The following FMN1 variants were observed in gnomAD, a reference collection of about 807,000 sequenced individuals.
FMN1 encodes the protein formin 1.
A neutral mutation model predicts 132.4 loss-of-function variants in FMN1; 110 were observed. The observed-to-expected ratio is 0.83, with a 90% CI of 0.71 to 0.97. The LOEUF is 0.97. Ranked by LOEUF, FMN1 falls within the 50% of genes least tolerant of loss-of-function variation. The probability of loss-of-function intolerance (pLI) is 0.00; values close to 1 mark genes in which losing one functional copy is unlikely to be tolerated. For synonymous variants in FMN1, 722 were observed against 651.7 expected, an observed-to-expected ratio of 1.11 and a Z score of -1.64; for missense variants, 1,792 against 1,705.3, an observed-to-expected ratio of 1.05 and a Z score of -0.90.
At chr15:33,012,550 AG>A in intron 6 of FMN1, 1 of 1,525,038 alleles carries the variant, frequency 6.6e-7, no homozygotes, top group Non-Finnish European at 9.0e-7. Context: ...TGGCAAGAAA[AG>A]GGGCTTTGCC....
Position 32,768,290 on chromosome 15 carries a change from C to T in FMN1, c.*6020G>A, listed in dbSNP as rs974398595. ...GGAAAGACAGATCTGGAAAGCGAAC[C>T]CAGTTAACAGTCAAAAACACATTCG... On this transcript the variant is annotated 3_prime_UTR_variant, in exon 21 of 21. Coordinates refer to ENST00000616417, the MANE Select transcript of FMN1 (RefSeq NM_001277313.2). 6.6e-6 allele frequency: 1 copy of T among 152,062 alleles called. No homozygotes were observed. The highest frequency in any genetic ancestry group is 2.4e-5 in the African/African-American group (1 of 41,370). 9.4% of individuals were successfully genotyped at this position (152,062 alleles called of 1,614,324 possible).
At chr15:33,051,226 C>T (rs1020607757) in intron 6 of FMN1, among the ~76,000 whole-genome samples, 1 of 152,132 alleles carries the variant, frequency 6.6e-6, no homozygotes, top group African/African-American at 2.4e-5. Context: ...TTCCTTCTAT[C>T]CTTCCTGAGA....
At chr15:33,023,281 T>C (rs748458818) in intron 6 of FMN1, among the ~76,000 whole-genome samples, 3 of 151,558 alleles carry the variant, frequency 2.0e-5, no homozygotes, top group African/African-American at 4.9e-5. Context: ...AAAATCATCC[T>C]ATAGATCACG....
intron 4 of FMN1, among the ~76,000 whole-genome samples, chr15:33,108,057 A>G (rs536284546): frequency 2.8e-4 from 43 of 152,188 alleles, no homozygotes; most frequent in African/African-American, 1.0e-3. Context: ...TGCCAGGTTC[A>G]GCTCCAGTAA....
At chr15:33,006,722 T>A (rs1225717468) in intron 7 of FMN1, among the ~76,000 whole-genome samples, 1 of 152,070 alleles carries the variant, frequency 6.6e-6, no homozygotes, top group Non-Finnish European at 1.5e-5. Context: ...AAGAAAAAAA[T>A]AATCCTGTCA....
intron 4 of FMN1, among the ~76,000 whole-genome samples, chr15:33,098,785 C>T (rs137937166): frequency 2.3e-3 from 350 of 152,248 alleles, no homozygotes; most frequent in African/African-American, 7.9e-3. Context: ...GCTCTTACTA[C>T]GTGGCCCTTT....
At chr15:33,144,358 C>T (rs893485970) in intron 4 of FMN1, among the ~76,000 whole-genome samples, 7 of 151,974 alleles carry the variant, frequency 4.6e-5, no homozygotes, top group East Asian at 1.9e-4. Context: ...AATATTAGGC[C>T]GGGCATGGTG....
At chr15:33,165,644 G>A (rs1306976857) in intron 3 of FMN1, among the ~76,000 whole-genome samples, 2 of 152,162 alleles carry the variant, frequency 1.3e-5, no homozygotes, top group African/African-American at 2.4e-5. Flanking sequence ...GCCTGCCTCG[G>A]CCTCCCAAAG....
intron 19 of FMN1, among the ~76,000 whole-genome samples, chr15:32,782,862 G>C (rs534610890): frequency 3.1e-4 from 47 of 152,294 alleles, no homozygotes; most frequent in African/African-American, 1.1e-3. Flanking sequence ...AACATAGATG[G>C]AGCTGCAGAT....
At chr15:33,086,556 A>G (rs542919231) in intron 5 of FMN1, among the ~76,000 whole-genome samples, 1 of 151,698 alleles carries the variant, frequency 6.6e-6, no homozygotes, top group South Asian at 2.1e-4. Context: ...CCAATTTTAA[A>G]AAACACATAA....
At chr15:33,117,885 A>G (rs188354577) in intron 4 of FMN1, among the ~76,000 whole-genome samples, 1 of 152,206 alleles carries the variant, frequency 6.6e-6, no homozygotes, top group African/African-American at 2.4e-5. Flanking sequence ...CTCGCATTCA[A>G]ATGCCTGTTC....
At chr15:32,918,097 A>G (rs1351088451) in intron 10 of FMN1, among the ~76,000 whole-genome samples, 2 of 152,118 alleles carry the variant, frequency 1.3e-5, no homozygotes, top group Non-Finnish European at 2.9e-5. Context: ...CACAGCAGAC[A>G]GAATTTCTTT....
chr15:32,852,596 G>A (rs2059033145), intron 17 of FMN1, among the ~76,000 whole-genome samples: 1 of 152,052 alleles, frequency 6.6e-6, no homozygotes, highest in Non-Finnish European at 1.5e-5. Flanking sequence ...CAAACTCCTG[G>A]CCTCAAGTGA....
intron 4 of FMN1, among the ~76,000 whole-genome samples, chr15:33,119,596 G>A (rs781324548): frequency 1.2e-3 from 176 of 152,278 alleles, no homozygotes; most frequent in Admixed American, 2.7e-3. Context: ...CACTATTCTT[G>A]AAGAGCTTGC....
chr15:32,846,677 A>C (rs528928079), intron 17 of FMN1, among the ~76,000 whole-genome samples: 1 of 152,176 alleles, frequency 6.6e-6, no homozygotes, highest in Non-Finnish European at 1.5e-5. Context: ...CTAGAACCAT[A>C]AATGCCATTT....
At chr15:32,953,863 G>C (rs1024320044) in intron 9 of FMN1, among the ~76,000 whole-genome samples, 2 of 152,200 alleles carry the variant, frequency 1.3e-5, no homozygotes, top group African/African-American at 2.4e-5. Context: ...CTGGTTTGCA[G>C]TATATCCCAT....
At chr15:33,070,677 T>C (rs1232540170) in intron 5 of FMN1, among the ~76,000 whole-genome samples, 1 of 152,102 alleles carries the variant, frequency 6.6e-6, no homozygotes, top group African/African-American at 2.4e-5. Context: ...AAGGTATTAT[T>C]AGGCCCATTT....
intron 17 of FMN1, among the ~76,000 whole-genome samples, chr15:32,849,300 T>C (rs1283984595): frequency 6.6e-6 from 1 of 151,948 alleles, no homozygotes; most frequent in African/African-American, 2.4e-5. Flanking sequence ...CAGTCTTAGG[T>C]TAATTCTTAT....
At chr15:33,178,699 A>G (rs901076859) in intron 3 of FMN1, among the ~76,000 whole-genome samples, 1 of 152,236 alleles carries the variant, frequency 6.6e-6, no homozygotes, top group Non-Finnish European at 1.5e-5. Context: ...GTTAGTCAAT[A>G]CCTGATAGAT....
Sources: allele counts gnomAD v4.1 joint callset (sites outside exome capture counted in the v4.1 genomes callset), GRCh38; gene constraint gnomAD v4.1.1; transcripts MANE v1.5; gene names NCBI Gene and HGNC (gene_info 2026-07-23, HGNC 2026-07-21).